Variants in TTC34 observed in about 807,000 individuals in gnomAD.
The protein encoded by TTC34 is tetratricopeptide repeat protein 34.
In TTC34, 44 loss-of-function variants were observed where a neutral mutation model predicts 40.7. The observed-to-expected ratio is 1.08, with a 90% confidence interval of 0.85 to 1.39. TTC34 has a LOEUF of 1.39. Among genes scored for constraint, TTC34 ranks in the 40% most tolerant of loss-of-function variants. TTC34 has a pLI of 0.00. For synonymous variants in TTC34, 422 were observed against 398.6 expected (o/e 1.06, Z -0.70); for missense variants, 884 against 838.0 (o/e 1.05, Z -0.68).
chr1:2,759,564 G>C (rs1641623099), intron 6 of TTC34, among the ~76,000 whole-genome samples: 1 of 152,002 alleles, frequency 6.6e-6, no homozygotes, highest in African/African-American at 2.4e-5. Flanking sequence ...CACACTCCCA[G>C]ACGAGCATCG....
intron 6 of TTC34, among the ~76,000 whole-genome samples, chr1:2,688,048 C>A (rs1467175578): frequency 1.1e-4 from 15 of 141,604 alleles, no homozygotes; most frequent in African/African-American, 3.6e-4. Flanking sequence ...CACCCACACC[C>A]CCAGGTAAGC....
rs1352183246 is a variant in TTC34, at chr1:2,645,672, C to A, written c.2227-109G>T. ...GTCTTTCTCATTCCCTGATCTTCTC[C>A]CTGGGGTCCTAGAGGGTCTGAACAC... is the stretch of plus-strand genomic sequence containing the variant. On this transcript the variant is annotated intron_variant, in intron 6 of 8. Transcript: ENST00000401095. This position sits in a 1 kb window ranked among gnomAD's most constrained non-coding sequence, Gnocchi z 4.7. 6 of 1,229,282 alleles carry A rather than the reference C, an allele frequency of 4.9e-6. No homozygotes were observed. The African/African-American group carries it at 9.3e-5, about 19-fold the overall frequency. The allele number at this position is 1,229,282 out of a possible 1,614,324, so 76.1% of individuals were successfully genotyped here.
At chr1:2,671,574 TGGAG>T (rs1332351813) in intron 6 of TTC34, among the ~76,000 whole-genome samples, 78 of 136,050 alleles carry the variant, frequency 5.7e-4, no homozygotes, top group Non-Finnish European at 8.7e-4. Flanking sequence ...TCCGACAGCC[TGGAG>T]CAGCACCCAC....
chr1:2,682,069 A>G (rs57486803), intron 6 of TTC34, among the ~76,000 whole-genome samples: 1 of 29,378 alleles, frequency 3.4e-5, no homozygotes, highest in Non-Finnish European at 7.0e-5. Context: ...CCCCACACCC[A>G]CAGGTGAGCA....
At chr1:2,754,811 A>G (rs1159566041) in intron 6 of TTC34, among the ~76,000 whole-genome samples, 18 of 138,340 alleles carry the variant, frequency 1.3e-4, no homozygotes, top group African/African-American at 2.4e-4. Flanking sequence ...CTGGAACAGA[A>G]ACCACACCCC....
At chr1:2,791,312 C>T (rs531618341) in intron 2 of TTC34, among the ~76,000 whole-genome samples, 2 of 152,286 alleles carry the variant, frequency 1.3e-5, no homozygotes, top group Middle Eastern at 3.4e-3. Context: ...TCACAGGTTA[C>T]GAAGGTGCTG....
At chr1:2,779,135 T>C (rs1207452823) in intron 6 of TTC34, among the ~76,000 whole-genome samples, 2 of 152,208 alleles carry the variant, frequency 1.3e-5, no homozygotes, top group South Asian at 2.1e-4. Flanking sequence ...CCCCATTGTA[T>C]GGATGGATCA....
At chr1:2,775,698 C>G (rs1643083967) in intron 6 of TTC34, 1 of 147,578 alleles carries the variant, frequency 6.8e-6, no homozygotes, top group Non-Finnish European at 1.5e-5. Context: ...CAGCCAGGAA[C>G]GGCAACCCAC....
chr1:2,786,929 C>T (rs1450516279), intron 4 of TTC34, among the ~76,000 whole-genome samples: 1 of 152,214 alleles, frequency 6.6e-6, no homozygotes, highest in African/African-American at 2.4e-5. Context: ...GGGAGGAAGA[C>T]GCGAGAAGGC....
chr1:2,646,117 A>G (rs1639016354), intron 6 of TTC34, among the ~76,000 whole-genome samples: 1 of 152,124 alleles, frequency 6.6e-6, no homozygotes, highest in African/African-American at 2.4e-5. Flanking sequence ...CTGGTGCACA[A>G]TACCGCGCCT....
intron 6 of TTC34, among the ~76,000 whole-genome samples, chr1:2,685,430 C>T (rs1429485163): frequency 2.2e-5 from 3 of 135,576 alleles, no homozygotes; most frequent in African/African-American, 3.2e-5. Flanking sequence ...TCTGGAGCAG[C>T]GCCCACACTG....
At chr1:2,782,269 T>C (rs527363192) in intron 6 of TTC34, among the ~76,000 whole-genome samples, 1 of 152,334 alleles carries the variant, frequency 6.6e-6, no homozygotes, top group South Asian at 2.1e-4. Context: ...TTCACCTAGA[T>C]TAACTGATTT....
Position 2,691,510 on chromosome 1 carries a change from T to A in TTC34, c.2227-45947A>T, listed in dbSNP as rs573496752. ...CTGGAGCAGCACCCAAAACCACAGG[T>A]GAGCATCGGAGAGTCTGGAACAGAA... On this transcript the variant is annotated intron_variant, in intron 6 of 8. Transcript: ENST00000401095. Among the ~76,000 whole-genome samples the A allele has an allele frequency of 9.1e-5, 9 of 98,682 alleles. 1 individual carries two copies. In the South Asian group the frequency reaches 2.7e-3, roughly 29 times the overall value. The allele number at this position is 98,682 out of a possible 152,430, so 64.7% of individuals were successfully genotyped here.
Position 2,783,569 on chromosome 1 carries a change from C to A in TTC34, c.2226+40G>T, listed in dbSNP as rs563355776. The A allele has an allele frequency of 9.5e-5, 126 of 1,332,382 alleles. No individual in the cohort carries two copies. The African/African-American group carries it at 1.8e-3, about 19-fold the overall frequency. The allele number at this position is 1,332,382 out of a possible 1,614,324, so 82.5% of individuals were successfully genotyped here. A position where few individuals can be genotyped will look rare whatever the true frequency, so the allele number is the denominator to read the frequency against. Reference sequence around the variant, plus strand: ...GGAAGGCAGCTCCCTGGGTCCCCCACCCGTGCTTGCCCAGGCCCAGGTCAG... The same window carrying A: ...GGAAGGCAGCTCCCTGGGTCCCCCAACCGTGCTTGCCCAGGCCCAGGTCAG... On this transcript the variant is annotated intron_variant, in intron 6 of 8. Transcript: ENST00000401095.
intron 2 of TTC34, among the ~76,000 whole-genome samples, chr1:2,794,509 T>G (rs1643695119): frequency 6.6e-6 from 1 of 152,226 alleles, no homozygotes; most frequent in African/African-American, 2.4e-5. Flanking sequence ...TGTTGCTTCT[T>G]TTGGAATTTC....
chr1:2,643,069 C>G (rs929095696), intron 8 of TTC34, among the ~76,000 whole-genome samples: 3 of 152,162 alleles, frequency 2.0e-5, no homozygotes, highest in South Asian at 2.1e-4. Context: ...ACATTTGGGC[C>G]GGGTCCATGG....
chr1:2,756,660 C>A (rs1641516025), intron 6 of TTC34, among the ~76,000 whole-genome samples: 59 of 149,834 alleles, frequency 3.9e-4, no homozygotes, highest in African/African-American at 1.1e-3. Flanking sequence ...TGGAACAGCA[C>A]CCACACCCCC....
chr1:2,642,577 TCA>T (rs992916074), intron 8 of TTC34, among the ~76,000 whole-genome samples: 6 of 152,236 alleles, frequency 3.9e-5, no homozygotes, highest in Non-Finnish European at 7.3e-5. Flanking sequence ...CCCAGTTTTT[TCA>T]CAGAGTCAAC....
At chr1:2,686,704 C>G (rs535978938) in intron 6 of TTC34, among the ~76,000 whole-genome samples, 3 of 149,528 alleles carry the variant, frequency 2.0e-5, no homozygotes, top group East Asian at 2.0e-4. Context: ...CACGTGACAG[C>G]CTGGAACAGC....
Sources: gnomAD v4.1 joint callset for allele counts (sites outside exome capture counted in the v4.1 genomes callset) on GRCh38, gnomAD v4.1.1 for gene constraint, Gnocchi (gnomAD v3.1) non-coding constraint, MANE v1.5 for transcripts, NCBI Gene and HGNC (gene_info 2026-07-23, HGNC 2026-07-21) for gene names.